The following ITPR1 variants were observed in gnomAD, a reference collection of about 807,000 sequenced individuals.
The protein encoded by ITPR1 is inositol 1,4,5-trisphosphate-gated calcium channel ITPR1.
In ITPR1, 96 loss-of-function variants were observed where a neutral mutation model predicts 318.4. The ratio of observed to expected loss-of-function variants is 0.30; its 90% confidence interval spans 0.26 to 0.36. ITPR1 has a LOEUF of 0.36. Ranked by LOEUF, ITPR1 falls within the 10% of genes least tolerant of loss-of-function variation. The pLI, the probability that ITPR1 is intolerant of heterozygous loss-of-function variation, is 1.00. For synonymous variants in ITPR1, 1,312 were observed against 1,289.9 expected (o/e 1.02, Z -0.37); for missense variants, 2,440 against 3,460.2 (o/e 0.71, Z 7.40).
intron 2 of ITPR1, among the ~76,000 whole-genome samples, chr3:4,499,975 A>G (rs2080899330): frequency 6.6e-6 from 1 of 152,180 alleles, no homozygotes; most frequent in African/African-American, 2.4e-5. Context: ...TACTCTTGTT[A>G]TATGAGCACC....
chr3:4,538,842 CAG>C (rs1170422250), intron 4 of ITPR1, among the ~76,000 whole-genome samples: 1 of 152,060 alleles, frequency 6.6e-6, no homozygotes, highest in Non-Finnish European at 1.5e-5. Flanking sequence ...TGCGTGGACA[CAG>C]AGAGGGGAGC....
intron 59 of ITPR1, among the ~76,000 whole-genome samples, chr3:4,816,828 T>C (rs1407998492): frequency 6.6e-6 from 1 of 152,246 alleles, no homozygotes; most frequent in Non-Finnish European, 1.5e-5. Flanking sequence ...TTAGCATTCA[T>C]TGATGATGCT....
rs1381825464 is a variant in ITPR1, at chr3:4,779,995, G to C, written c.6387+350G>C. Among the ~76,000 whole-genome samples the C allele has an allele frequency of 6.6e-6, 1 of 152,016 alleles. No homozygotes were observed. The highest frequency in any genetic ancestry group is 1.5e-5 in the Non-Finnish European group (1 of 67,984). ...ACCACATGGAGAAGCCTCCGTCTCT[G>C]TTTTTCCCTCATGGGGGACAGTGTG... On this transcript the variant is annotated intron_variant, in intron 49 of 61. Coordinates refer to ENST00000649015, the MANE Select transcript of ITPR1 (RefSeq NM_001378452.1). The surrounding 1 kb of genome is among the most constrained non-coding windows in gnomAD (Gnocchi z 4.0).
In ITPR1 at chr3:4,826,759, C is replaced by T. The variant is rs1283159978; in HGVS notation, c.8028+8517C>T. ...ATTGTGAGGCACTTGGCGTTTGGGC[C>T]CCGGTTCTGCACTGACCTCCCAGTG... is the stretch of plus-strand genomic sequence containing the variant. On this transcript the variant is annotated intron_variant, in intron 60 of 61. Coordinates refer to ENST00000649015, the MANE Select transcript of ITPR1 (RefSeq NM_001378452.1). This position sits in a 1 kb window ranked among gnomAD's most constrained non-coding sequence, Gnocchi z 4.2. Among the ~76,000 whole-genome samples the T allele has an allele frequency of 6.6e-6, 1 of 152,174 alleles. No homozygotes were observed. Among genetic ancestry groups the T allele is most frequent in the African/African-American group, 2.4e-5 (1 of 41,436 alleles).
chr3:4,586,830 A>G (rs539849441), intron 4 of ITPR1, among the ~76,000 whole-genome samples: 18 of 151,826 alleles, frequency 1.2e-4, no homozygotes, highest in African/African-American at 4.1e-4. Flanking sequence ...TTCTTGCATG[A>G]GGCCAGATCT....
intron 16 of ITPR1, among the ~76,000 whole-genome samples, chr3:4,664,227 A>C (rs1334797442): frequency 1.3e-5 from 2 of 152,256 alleles, no homozygotes; most frequent in Admixed American, 6.5e-5. Flanking sequence ...GTAAAGAATG[A>C]GTAGTGGTTG....
chr3:4,553,781 A>C (rs1248722592), intron 4 of ITPR1, among the ~76,000 whole-genome samples: 1 of 152,076 alleles, frequency 6.6e-6, no homozygotes, highest in Admixed American at 6.5e-5. Flanking sequence ...TTGTATTTTT[A>C]GTAGAGACGG....
At chr3:4,518,318 C>T (rs1306218704) in intron 3 of ITPR1, among the ~76,000 whole-genome samples, 1 of 152,192 alleles carries the variant, frequency 6.6e-6, no homozygotes, top group Non-Finnish European at 1.5e-5. Flanking sequence ...CAGGGCATCT[C>T]TTCTTTAAAA....
At chr3:4,772,009 G>T (rs767314754) in intron 46 of ITPR1, among the ~76,000 whole-genome samples, 1 of 152,234 alleles carries the variant, frequency 6.6e-6, no homozygotes, top group African/African-American at 2.4e-5. Flanking sequence ...ATCTGGACCA[G>T]TGGTTCACAA....
intron 4 of ITPR1, among the ~76,000 whole-genome samples, chr3:4,542,062 A>G (rs536958678): frequency 3.3e-5 from 5 of 152,214 alleles, no homozygotes; most frequent in Non-Finnish European, 5.9e-5. Flanking sequence ...TTTAATTTGA[A>G]TTATATTTTT....
At chr3:4,557,360 C>T (rs1321087403) in intron 4 of ITPR1, among the ~76,000 whole-genome samples, 1 of 152,136 alleles carries the variant, frequency 6.6e-6, no homozygotes, top group Non-Finnish European at 1.5e-5. Context: ...ATGGGAAAGA[C>T]CCGCCTCCAT....
At chr3:4,726,820 T>A (rs2042550970) in intron 41 of ITPR1, among the ~76,000 whole-genome samples, 1 of 152,232 alleles carries the variant, frequency 6.6e-6, no homozygotes, top group Non-Finnish European at 1.5e-5. Context: ...TTTGGGTTAA[T>A]GTCACAGCAT....
chr3:4,556,927 A>G (rs1170722374), intron 4 of ITPR1, among the ~76,000 whole-genome samples: 1 of 152,206 alleles, frequency 6.6e-6, no homozygotes, highest in Non-Finnish European at 1.5e-5. Context: ...ACTAGCCTTT[A>G]CTTAACATTG....
chr3:4,639,444 G>C lies in ITPR1; in HGVS notation c.340G>C (p.Val114Leu), dbSNP rs534789801. Residue 114 changes from valine to leucine, a missense_variant, in exon 6 of 62, where the codon GTA becomes CTA. Coordinates refer to ENST00000649015, the MANE Select transcript of ITPR1 (RefSeq NM_001378452.1). Reference sequence around the variant, plus strand: ...AGAAAACAGGAAATTGCTGGGGACCGTAATCCAGTATGGCAATGTGATCCA... The same window carrying C: ...AGAAAACAGGAAATTGCTGGGGACCCTAATCCAGTATGGCAATGTGATCCA... ...ETENRKLLGT[V>L]IQYGNVIQLL... 1.3e-6 allele frequency: 2 copies of C among 1,581,188 alleles called. No individual in the cohort carries two copies. Among genetic ancestry groups the C allele is most frequent in the Non-Finnish European group, 8.6e-7 (1 of 1,163,192 alleles).
At chr3:4,558,982 T>C (rs1395891913) in intron 4 of ITPR1, among the ~76,000 whole-genome samples, 1 of 152,072 alleles carries the variant, frequency 6.6e-6, no homozygotes, top group Non-Finnish European at 1.5e-5. Flanking sequence ...CTTATTACCA[T>C]ATTGAATTTT....
intron 47 of ITPR1, 121 bp downstream of exon 47, chr3:4,775,563 A>T (rs2046432113): frequency 1.4e-6 from 1 of 703,784 alleles, no homozygotes; most frequent in Non-Finnish European, 2.4e-6. Flanking sequence ...GTAGGACAGG[A>T]GGCTGTCTTC....
chr3:4,740,794 C>G (rs546125864), intron 44 of ITPR1, among the ~76,000 whole-genome samples: 40 of 152,296 alleles, frequency 2.6e-4, no homozygotes, highest in Middle Eastern at 3.4e-3. Flanking sequence ...GGAGACAGTA[C>G]CACAGCCCGT....
chr3:4,528,219 A>C (rs977597338), intron 4 of ITPR1, among the ~76,000 whole-genome samples: 2 of 152,218 alleles, frequency 1.3e-5, no homozygotes, highest in African/African-American at 2.4e-5. Context: ...CCAAGATTTC[A>C]TCCAGCTTGA....
chr3:4,539,600 C>T (rs1575460773), intron 4 of ITPR1, among the ~76,000 whole-genome samples: 3 of 152,128 alleles, frequency 2.0e-5, no homozygotes, highest in Admixed American at 2.0e-4. Context: ...TTGAATGTCC[C>T]CTCCCAAAAC....
Sources: allele counts gnomAD v4.1 joint callset (sites outside exome capture counted in the v4.1 genomes callset), GRCh38; gene constraint gnomAD v4.1.1; non-coding constraint Gnocchi (gnomAD v3.1); transcripts MANE v1.5; gene names NCBI Gene and HGNC (gene_info 2026-07-23, HGNC 2026-07-21).